The following ADGRV1 variants were observed in gnomAD, a reference collection of about 807,000 sequenced individuals.
ADGRV1 encodes the protein adhesion G protein-coupled receptor V1.
Under a neutral mutation model 596.2 loss-of-function variants are expected in ADGRV1, and 359 were observed. That is an observed-to-expected ratio of 0.60 (90% CI 0.55 to 0.66). The LOEUF is 0.66. ADGRV1 is among the 30% of genes least tolerant of loss of function. ADGRV1 has a pLI of 0.00. For synonymous variants in ADGRV1, 2,681 were observed against 2,679.2 expected (o/e 1.00, Z -0.02); for missense variants, 7,274 against 7,575.6 (o/e 0.96, Z 1.48).
Position 90,629,127 on chromosome 5 carries a change from A to G in ADGRV1, c.1510-83A>G, listed in dbSNP as rs2149382733. The G allele has an allele frequency of 5.4e-6, 4 of 735,108 alleles. No individual in the cohort carries two copies. The East Asian group carries it at 1.2e-4, about 22-fold the overall frequency. The allele number at this position is 735,108 out of a possible 1,614,324, so 45.5% of individuals were successfully genotyped here. On this transcript the variant is annotated intron_variant, in intron 8 of 89. Transcript: ENST00000405460. Reference sequence around the variant, plus strand: ...ACATAAAATATTAATAAATATTAAAATTAGAATAACATGGAAAATACAGAG... The same window carrying G: ...ACATAAAATATTAATAAATATTAAAGTTAGAATAACATGGAAAATACAGAG...
chr5:91,094,364 C>G (rs1454901523), intron 86 of ADGRV1, among the ~76,000 whole-genome samples: 3 of 151,352 alleles, frequency 2.0e-5, no homozygotes, highest in Non-Finnish European at 4.4e-5. Flanking sequence ...GAGACTGAGG[C>G]AGGAGAATTG....
intron 11 of ADGRV1, 106 bp downstream of exon 11, chr5:90,638,054 A>AT (rs1766461686): frequency 2.5e-6 from 2 of 792,872 alleles, no homozygotes; most frequent in Non-Finnish European, 3.9e-6. Context: ...TAAAAAAAAA[A>AT]GTCAAGTAAA....
chr5:90,950,747 C>A (rs185046819), intron 83 of ADGRV1, among the ~76,000 whole-genome samples: 1 of 152,102 alleles, frequency 6.6e-6, no homozygotes, highest in Non-Finnish European at 1.5e-5. Flanking sequence ...GCTGGAGTAG[C>A]GGGAGTACTT....
chr5:90,861,309 T>TTTTG (rs1561862025), intron 82 of ADGRV1, among the ~76,000 whole-genome samples: 2 of 151,940 alleles, frequency 1.3e-5, no homozygotes, highest in African/African-American at 4.8e-5. Flanking sequence ...TATCTATTTT[T>TTTTG]TTTTTGTTTT....
chr5:90,674,147 C>A lies in ADGRV1; in HGVS notation c.5023C>A (p.Leu1675Ile). 1 of 1,613,128 alleles carries A rather than the reference C, an allele frequency of 6.2e-7. No individual in the cohort carries two copies. Among genetic ancestry groups the A allele is most frequent in the Non-Finnish European group, 8.5e-7 (1 of 1,179,286 alleles). The change falls in exon 23 of 90, where the codon CTA becomes ATA. Residue 1675 changes from leucine (L) to isoleucine (I), a missense_variant. Transcript: ENST00000405460. ...LVSAIPGDGKLGSTPTSGASI... is the reference protein window; with the variant it reads ...LVSAIPGDGKIGSTPTSGASI... ...TTCTGCAATTCCTGGAGATGGGAAG[C>A]TAGGCTCAACTCCTACCAGTGGTGC... is the stretch of plus-strand genomic sequence containing the variant.
At chr5:90,775,178 A>G (rs908618261) in intron 60 of ADGRV1, among the ~76,000 whole-genome samples, 1 of 152,182 alleles carries the variant, frequency 6.6e-6, no homozygotes, top group East Asian at 1.9e-4. Flanking sequence ...CTTTTTTGCC[A>G]TCAAGAACTC....
At position 91,033,323 on chromosome 5, in the gene ADGRV1, A is replaced by G. The variant is rs1352877400; in HGVS notation, c.18153-39124A>G. On this transcript the variant is annotated intron_variant, in intron 85 of 89. Coordinates refer to ENST00000405460, the MANE Select transcript of ADGRV1 (RefSeq NM_032119.4). Reference sequence around the variant, plus strand: ...ATTATAAGCATGGCTAGAGTTTTCTATAGGAATTCCTTGTGCCCTTTGACG... The same window carrying G: ...ATTATAAGCATGGCTAGAGTTTTCTGTAGGAATTCCTTGTGCCCTTTGACG... 6.6e-5 allele frequency among the ~76,000 whole-genome samples: 10 copies of G among 152,250 alleles called. No individual in the cohort carries two copies. In the East Asian group the frequency reaches 1.2e-3, roughly 18 times the overall value.
At chr5:91,114,308 C>T (rs1792652439) in intron 87 of ADGRV1, among the ~76,000 whole-genome samples, 1 of 152,058 alleles carries the variant, frequency 6.6e-6, no homozygotes, top group South Asian at 2.1e-4. Flanking sequence ...GGGTGGATCA[C>T]CTGAGGTCAG....
At chr5:91,119,164 T>A (rs1793096898) in intron 87 of ADGRV1, among the ~76,000 whole-genome samples, 1 of 149,834 alleles carries the variant, frequency 6.7e-6, no homozygotes, top group African/African-American at 2.6e-5. Context: ...GAATTTTTTT[T>A]ATTTTTAGAG....
At chr5:91,102,490 A>T (rs1380351354) in intron 87 of ADGRV1, 150 bp downstream of exon 87, 1 of 589,114 alleles carries the variant, frequency 1.7e-6, no homozygotes, top group Non-Finnish European at 2.6e-6. Context: ...AAATGATAGG[A>T]ACCTAAATCC....
Position 90,781,560 on chromosome 5 carries a change from A to G in ADGRV1, c.13213A>G (p.Lys4405Glu). 1.2e-6 allele frequency: 2 copies of G among 1,609,566 alleles called. No homozygotes were observed. Among genetic ancestry groups the G allele is most frequent in the Non-Finnish European group, 1.7e-6 (2 of 1,177,142 alleles). ...AGAAGGCATCATTGAATTTGACCCA[A>G]AGTATACTGCCTTCGAAGGTAGGTT... The part of the protein sequence containing the change: ...NAEGIIEFDP[K>E]YTAFEVEEDV... The change falls in exon 65 of 90, where the codon AAG becomes GAG. Residue 4405 changes from lysine to glutamate, a missense_variant. By Grantham distance (56) the Lys-to-Glu change is moderately conservative (BLOSUM62 1). Transcript: ENST00000405460.
At chr5:90,681,987 C>T (rs913792213) in intron 27 of ADGRV1, among the ~76,000 whole-genome samples, 5 of 152,212 alleles carry the variant, frequency 3.3e-5, no homozygotes, top group African/African-American at 1.2e-4. Flanking sequence ...CTGCTTCAGC[C>T]TTCCAAGTAG....
At chr5:91,058,795 C>T (rs1787138180) in intron 85 of ADGRV1, among the ~76,000 whole-genome samples, 2 of 152,304 alleles carry the variant, frequency 1.3e-5, no homozygotes, top group African/African-American at 2.4e-5. Context: ...TCCTTCCCCT[C>T]ATGCGGACGT....
At chr5:91,091,153 T>C (rs1242809917) in intron 86 of ADGRV1, among the ~76,000 whole-genome samples, 2 of 152,146 alleles carry the variant, frequency 1.3e-5, no homozygotes, top group Non-Finnish European at 2.9e-5. Flanking sequence ...GCACACTTTT[T>C]CTCCCTCCCT....
intron 1 of ADGRV1, among the ~76,000 whole-genome samples, chr5:90,605,549 A>G (rs547359049): frequency 2.0e-5 from 3 of 151,980 alleles, no homozygotes; most frequent in Admixed American, 6.5e-5. Flanking sequence ...GTTCATGGAA[A>G]TGGCCATTGT....
intron 86 of ADGRV1, among the ~76,000 whole-genome samples, chr5:91,098,491 A>G (rs987314101): frequency 5.9e-5 from 9 of 152,160 alleles, no homozygotes; most frequent in African/African-American, 2.2e-4. Flanking sequence ...TCCCTAATAT[A>G]AGCTTCAGGC....
chr5:90,923,737 G>A (rs1046641959), intron 83 of ADGRV1, among the ~76,000 whole-genome samples: 12 of 152,034 alleles, frequency 7.9e-5, no homozygotes, highest in African/African-American at 2.4e-4. Flanking sequence ...CCACTAAATC[G>A]TCATCTAGCA....
At chr5:90,851,603 A>C (rs1468594226) in intron 79 of ADGRV1, among the ~76,000 whole-genome samples, 1 of 152,180 alleles carries the variant, frequency 6.6e-6, no homozygotes, top group South Asian at 2.1e-4. Context: ...TGAGGGTCCA[A>C]CTGAGGTTGG....
At chr5:91,021,496 A>T (rs1300799647) in intron 85 of ADGRV1, among the ~76,000 whole-genome samples, 1 of 152,118 alleles carries the variant, frequency 6.6e-6, no homozygotes, top group Non-Finnish European at 1.5e-5. Flanking sequence ...CAAAGCTGAG[A>T]CTAATAATTT....
Sources: gnomAD v4.1 joint callset for allele counts (sites outside exome capture counted in the v4.1 genomes callset) on GRCh38, gnomAD v4.1.1 for gene constraint, MANE v1.5 for transcripts, NCBI Gene and HGNC (gene_info 2026-07-23, HGNC 2026-07-21) for gene names.